SSBP2: variants seen among roughly 807,000 people sequenced by gnomAD.
SSBP2 encodes the protein single-stranded DNA-binding protein 2.
SSBP2 carries 17 observed loss-of-function variants against 61.8 expected under a neutral mutation model. The ratio of observed to expected loss-of-function variants is 0.28; its 90% CI spans 0.19 to 0.41. The LOEUF is 0.41. Ranked by LOEUF, SSBP2 falls within the 10% of genes least tolerant of loss-of-function variation. The pLI is 1.00. For missense variants in SSBP2, 310 were observed against 458.7 expected, an observed-to-expected ratio of 0.68 and a Z score of 2.96; for synonymous variants, 139 against 141.3, an observed-to-expected ratio of 0.98 and a Z score of 0.12.
chr5:81,548,750 G>A (rs935400352), intron 4 of SSBP2, among the ~76,000 whole-genome samples: 4 of 152,010 alleles, frequency 2.6e-5, no homozygotes, highest in Admixed American at 6.6e-5. Flanking sequence ...GTGAAATCCC[G>A]TCTCTACTAA....
At chr5:81,693,105 C>A (rs893695744) in intron 1 of SSBP2, among the ~76,000 whole-genome samples, 5 of 150,210 alleles carry the variant, frequency 3.3e-5, no homozygotes, top group African/African-American at 1.2e-4. Context: ...CTCAGGAGGC[C>A]GAGGCAGGAG....
intron 3 of SSBP2, among the ~76,000 whole-genome samples, chr5:81,623,063 G>A (rs1227304691): frequency 6.7e-5 from 10 of 150,344 alleles, no homozygotes; most frequent in Non-Finnish European, 1.5e-4. Context: ...TAAGGATACA[G>A]CTAAAAGTTT....
intron 12 of SSBP2, among the ~76,000 whole-genome samples, chr5:81,444,896 G>A (rs893944654): frequency 4.0e-5 from 6 of 151,536 alleles, no homozygotes; most frequent in Non-Finnish European, 8.8e-5. Context: ...GCCAAGGCAG[G>A]TGAATCACTT....
intron 4 of SSBP2, among the ~76,000 whole-genome samples, chr5:81,555,051 C>A (rs1309590915): frequency 6.6e-6 from 1 of 152,098 alleles, no homozygotes; most frequent in Non-Finnish European, 1.5e-5. Flanking sequence ...AACAGTACTT[C>A]ACTCAATATT....
At chr5:81,643,604 T>C (rs964577539) in intron 2 of SSBP2, among the ~76,000 whole-genome samples, 1 of 136,792 alleles carries the variant, frequency 7.3e-6, no homozygotes, top group Non-Finnish European at 1.6e-5. Flanking sequence ...TCTTTTTTTT[T>C]TTTTTTTTTT....
At chr5:81,571,100 T>G (rs1006288776) in intron 4 of SSBP2, among the ~76,000 whole-genome samples, 1 of 152,248 alleles carries the variant, frequency 6.6e-6, no homozygotes. Flanking sequence ...GTTTCTTTTG[T>G]GGAGCAAACA....
At chr5:81,617,887 T>C (rs1387747483) in intron 3 of SSBP2, among the ~76,000 whole-genome samples, 1 of 133,968 alleles carries the variant, frequency 7.5e-6, no homozygotes, top group South Asian at 2.4e-4. Context: ...AAATACTTTA[T>C]AGACAAGCAA....
chr5:81,680,046 A>G (rs1330348922), intron 1 of SSBP2, among the ~76,000 whole-genome samples: 1 of 151,366 alleles, frequency 6.6e-6, no homozygotes, highest in Non-Finnish European at 1.5e-5. Context: ...AGTTCTCTGG[A>G]CATTGAACTC....
intron 3 of SSBP2, among the ~76,000 whole-genome samples, chr5:81,617,870 A>G (rs1581179237): frequency 7.7e-6 from 1 of 130,608 alleles, no homozygotes; most frequent in African/African-American, 2.9e-5. Flanking sequence ...TAAGTGAAGG[A>G]GAAATAAAAT....
At chr5:81,459,270 C>T (rs1174607888) in intron 10 of SSBP2, among the ~76,000 whole-genome samples, 2 of 152,184 alleles carry the variant, frequency 1.3e-5, no homozygotes, top group East Asian at 1.9e-4. Context: ...CAGAGCTCCC[C>T]TCTCATCTAT....
At chr5:81,741,149 G>C (rs1392186934) in intron 1 of SSBP2, among the ~76,000 whole-genome samples, 1 of 152,200 alleles carries the variant, frequency 6.6e-6, no homozygotes, top group African/African-American at 2.4e-5. Flanking sequence ...CTGAGACTCA[G>C]TTTCCCCATA....
chr5:81,595,899 A>C (rs1337351623), intron 4 of SSBP2, among the ~76,000 whole-genome samples: 2 of 152,230 alleles, frequency 1.3e-5, no homozygotes, highest in African/African-American at 4.8e-5. Flanking sequence ...AAACCCTATC[A>C]TACTGAATAG....
At chr5:81,665,112 T>G (rs771957548) in intron 1 of SSBP2, among the ~76,000 whole-genome samples, 6 of 152,198 alleles carry the variant, frequency 3.9e-5, no homozygotes, top group Non-Finnish European at 8.8e-5. Flanking sequence ...CAATGGTAGT[T>G]TAATGGGAAA....
chr5:81,540,598 C>A (rs1047136062), intron 4 of SSBP2, among the ~76,000 whole-genome samples: 2 of 151,822 alleles, frequency 1.3e-5, no homozygotes, highest in African/African-American at 4.8e-5. Flanking sequence ...TTGTTTTTTT[C>A]TCATAAATTT....
chr5:81,544,263 G>A (rs2154121271), intron 4 of SSBP2, among the ~76,000 whole-genome samples: 1 of 152,218 alleles, frequency 6.6e-6, no homozygotes, highest in South Asian at 2.1e-4. Flanking sequence ...TGGCCAGGCT[G>A]GTCTTCAACT....
chr5:81,546,575 C>T (rs1055976032), intron 4 of SSBP2, among the ~76,000 whole-genome samples: 2 of 151,770 alleles, frequency 1.3e-5, no homozygotes, highest in Non-Finnish European at 2.9e-5. Flanking sequence ...TCTTACAATA[C>T]GTCTTTGAGG....
intron 4 of SSBP2, among the ~76,000 whole-genome samples, chr5:81,534,170 AG>A (rs1189143334): frequency 6.6e-6 from 1 of 152,134 alleles, no homozygotes. Flanking sequence ...CACAGTCCAC[AG>A]GCACAGGCTC....
rs1752986567 is a variant in SSBP2 at position 81,688,535 on chromosome 5, C to A, written c.63-38196G>T. Reference sequence around the variant, plus strand: ...TAGCCACGGGGGTGCTTGTGTCACCCCTCACGCAGCTCCAGGCACCTCAGC... The same window carrying A: ...TAGCCACGGGGGTGCTTGTGTCACCACTCACGCAGCTCCAGGCACCTCAGC... On this transcript the variant is annotated intron_variant, in intron 1 of 16. Coordinates refer to ENST00000320672, the MANE Select transcript of SSBP2 (RefSeq NM_012446.5). Among the ~76,000 whole-genome samples, 5 of 152,308 alleles carry A rather than the reference C, an allele frequency of 3.3e-5. No individual in the cohort carries two copies. In the South Asian group the frequency reaches 1.0e-3, roughly 32 times the overall value.
At chr5:81,750,125 C>G (rs1242738191) in intron 1 of SSBP2, among the ~76,000 whole-genome samples, 1 of 151,950 alleles carries the variant, frequency 6.6e-6, no homozygotes, top group African/African-American at 2.4e-5. Context: ...CTGCGAGAGG[C>G]AGAAACGCCA....
Sources: allele counts gnomAD v4.1 joint callset (sites outside exome capture counted in the v4.1 genomes callset), GRCh38; gene constraint gnomAD v4.1.1; transcripts MANE v1.5; gene names NCBI Gene and HGNC (gene_info 2026-07-23, HGNC 2026-07-21).